The following PRKG1 variants were observed in gnomAD, a reference collection of about 807,000 sequenced individuals.
PRKG1 encodes the protein cGMP-dependent protein kinase 1.
In PRKG1, 35 loss-of-function variants were observed where a neutral mutation model predicts 88.1. The observed-to-expected ratio is 0.40, with a 90% CI of 0.30 to 0.53. The LOEUF is 0.53. Ranked by LOEUF, PRKG1 falls within the 20% of genes least tolerant of loss-of-function variation. PRKG1 has a pLI of 0.59. For missense variants in PRKG1, 540 were observed against 839.8 expected (o/e 0.64, Z 4.41); for synonymous variants, 303 against 292.5 (o/e 1.04, Z -0.37).
chr10:51,415,550 C>T (rs1339955826), intron 2 of PRKG1, among the ~76,000 whole-genome samples: 1 of 152,116 alleles, frequency 6.6e-6, no homozygotes, highest in Non-Finnish European at 1.5e-5. Flanking sequence ...TGAAAGGGCT[C>T]TCTACAGACA....
At chr10:51,771,902 T>TC (rs1366196430) in intron 3 of PRKG1, among the ~76,000 whole-genome samples, 1 of 152,054 alleles carries the variant, frequency 6.6e-6, no homozygotes, top group East Asian at 1.9e-4. Context: ...CCCCCACAGT[T>TC]CCAAGCAACT....
intron 2 of PRKG1, among the ~76,000 whole-genome samples, chr10:51,195,436 T>G (rs1837738448): frequency 6.6e-6 from 1 of 152,210 alleles, no homozygotes; most frequent in Admixed American, 6.5e-5. Flanking sequence ...CTGGCTCCAT[T>G]CCTATAGTAA....
intron 1 of PRKG1, among the ~76,000 whole-genome samples, chr10:50,997,254 A>T (rs1336926491): frequency 6.6e-6 from 1 of 152,180 alleles, no homozygotes; most frequent in Admixed American, 6.5e-5. Flanking sequence ...TTTAAGACAC[A>T]TTGATTTTGC....
intron 4 of PRKG1, among the ~76,000 whole-genome samples, chr10:51,820,388 G>A (rs958282144): frequency 6.6e-6 from 1 of 152,114 alleles, no homozygotes; most frequent in Non-Finnish European, 1.5e-5. Context: ...GATAGGGTAG[G>A]TGTAATAATA....
At chr10:51,706,891 G>T (rs567713298) in intron 3 of PRKG1, among the ~76,000 whole-genome samples, 2 of 151,882 alleles carry the variant, frequency 1.3e-5, no homozygotes, top group Non-Finnish European at 2.9e-5. Context: ...ACATTGTATG[G>T]TCATTATTAA....
chr10:51,627,617 G>A (rs1032659031), intron 3 of PRKG1, among the ~76,000 whole-genome samples: 2 of 152,144 alleles, frequency 1.3e-5, no homozygotes, highest in African/African-American at 4.8e-5. Flanking sequence ...TTAGGATATA[G>A]CAATTACAGT....
At chr10:51,788,006 G>A (rs1838770654) in intron 3 of PRKG1, among the ~76,000 whole-genome samples, 1 of 152,078 alleles carries the variant, frequency 6.6e-6, no homozygotes, top group East Asian at 1.9e-4. Context: ...AAGTCATTAG[G>A]GAGACTCGAT....
intron 2 of PRKG1, among the ~76,000 whole-genome samples, chr10:51,280,545 AT>A (rs1324225521): frequency 6.6e-6 from 1 of 152,058 alleles, no homozygotes; most frequent in Non-Finnish European, 1.5e-5. Context: ...ATAGTCCCAT[AT>A]TTCTTGGAGG....
chr10:51,090,186 A>G (rs1201865585), intron 1 of PRKG1, among the ~76,000 whole-genome samples: 1 of 152,216 alleles, frequency 6.6e-6, no homozygotes, highest in Non-Finnish European at 1.5e-5. Context: ...TATGGGGCTC[A>G]ATAAACAGTT....
At chr10:52,108,826 T>C (rs1019056117) in intron 7 of PRKG1, among the ~76,000 whole-genome samples, 27 of 59,690 alleles carry the variant, frequency 4.5e-4, no homozygotes, top group Admixed American at 7.4e-4. Flanking sequence ...CAAGTATTCC[T>C]TTTTTTTTTT....
At chr10:51,697,660 T>A (rs1332899876) in intron 3 of PRKG1, 1 of 1,602,100 alleles carries the variant, frequency 6.2e-7, no homozygotes, top group African/African-American at 1.3e-5. Flanking sequence ...TGCTACAGAA[T>A]AAAATTTGAG....
At chr10:51,784,169 C>T (rs560813013) in intron 3 of PRKG1, among the ~76,000 whole-genome samples, 1 of 152,074 alleles carries the variant, frequency 6.6e-6, no homozygotes, top group African/African-American at 2.4e-5. Flanking sequence ...CCACAGCAAT[C>T]ATTTCCTCAG....
At chr10:51,644,253 A>T (rs7079618) in intron 3 of PRKG1, among the ~76,000 whole-genome samples, 8 of 152,020 alleles carry the variant, frequency 5.3e-5, no homozygotes, top group Admixed American at 3.3e-4. Context: ...CTCTGGATCA[A>T]GATTCTGTTT....
At chr10:51,122,595 A>C (rs1435707494) in intron 1 of PRKG1, among the ~76,000 whole-genome samples, 7 of 152,208 alleles carry the variant, frequency 4.6e-5, no homozygotes, top group Admixed American at 1.3e-4. Context: ...ATGTAAATCA[A>C]AATCACAAAC....
rs1422746122 is a variant in PRKG1, at chr10:51,249,130, TAGC to T, written c.478+95804_478+95806del. 2.6e-5 allele frequency among the ~76,000 whole-genome samples: 4 copies of T among 151,836 alleles called. No homozygotes were observed. The East Asian group carries it at 8.0e-4, about 30-fold the overall frequency. On this transcript the variant is annotated intron_variant, in intron 2 of 17. Coordinates refer to ENST00000373980, the MANE Select transcript of PRKG1 (RefSeq NM_006258.4). ...GAAGACAGTTAATGCTGTATTAAAATAGCAGCCATGGTTAACTTACGTTTTAAA... is the reference window on the plus strand; with the variant it reads ...GAAGACAGTTAATGCTGTATTAAAATAGCCATGGTTAACTTACGTTTTAAA...
chr10:51,464,801 G>C (rs1302870823), intron 2 of PRKG1, among the ~76,000 whole-genome samples: 1 of 147,364 alleles, frequency 6.8e-6, no homozygotes, highest in Non-Finnish European at 1.5e-5. Flanking sequence ...TGAGGCAGGA[G>C]AATGGCGTGA....
At chr10:52,114,995 C>T (rs564872346) in intron 7 of PRKG1, among the ~76,000 whole-genome samples, 10 of 151,874 alleles carry the variant, frequency 6.6e-5, no homozygotes, top group African/African-American at 1.2e-4. Flanking sequence ...GTCACGCACA[C>T]GAAATATCAT....
chr10:51,946,876 G>T (rs968741795), intron 5 of PRKG1, among the ~76,000 whole-genome samples: 2 of 151,982 alleles, frequency 1.3e-5, no homozygotes, highest in Non-Finnish European at 2.9e-5. Flanking sequence ...CCCTACTGGG[G>T]GGTGCCTCCC....
intron 3 of PRKG1, among the ~76,000 whole-genome samples, chr10:51,551,834 G>GAAGA (rs1554820972): frequency 6.6e-6 from 1 of 151,714 alleles, no homozygotes; most frequent in Admixed American, 6.6e-5. Context: ...TCTCTATGGA[G>GAAGA]AAGACTAACC....
Sources: gnomAD v4.1 joint callset for allele counts (sites outside exome capture counted in the v4.1 genomes callset) on GRCh38, gnomAD v4.1.1 for gene constraint, MANE v1.5 for transcripts, NCBI Gene and HGNC (gene_info 2026-07-23, HGNC 2026-07-21) for gene names.